The following NELL1 variants were observed in gnomAD, a reference collection of about 807,000 sequenced individuals.
The protein encoded by NELL1 is protein kinase C-binding protein NELL1.
A neutral mutation model predicts 107.4 loss-of-function variants in NELL1; 76 were observed. The ratio of observed to expected loss-of-function variants is 0.71; its 90% CI spans 0.59 to 0.86. The LOEUF (loss-of-function observed/expected upper bound fraction) is 0.86. NELL1 is among the 40% of genes least tolerant of loss of function. The pLI is 0.00. For missense variants in NELL1, 1,024 were observed against 1,005.5 expected, an observed-to-expected ratio of 1.02 and a Z score of -0.25; for synonymous variants, 353 against 341.2, an observed-to-expected ratio of 1.03 and a Z score of -0.38.
chr11:21,294,283 T>C (rs1849330510), intron 14 of NELL1, among the ~76,000 whole-genome samples: 1 of 152,078 alleles, frequency 6.6e-6, no homozygotes, highest in African/African-American at 2.4e-5. Context: ...TCTGTGCTTA[T>C]ACCATCTCAA....
chr11:21,101,725 G>A (rs1590636911), intron 12 of NELL1, among the ~76,000 whole-genome samples: 1 of 152,242 alleles, frequency 6.6e-6, no homozygotes, highest in South Asian at 2.1e-4. Flanking sequence ...GTTCATTGTA[G>A]ATTCTGGATA....
chr11:21,342,318 C>G (rs1046144797), intron 14 of NELL1, among the ~76,000 whole-genome samples: 1 of 150,688 alleles, frequency 6.6e-6, no homozygotes, highest in African/African-American at 2.4e-5. Context: ...GGTGCAATAG[C>G]ATTTACTTAT....
At chr11:20,854,993 C>T (rs1352580436) in intron 4 of NELL1, among the ~76,000 whole-genome samples, 1 of 152,308 alleles carries the variant, frequency 6.6e-6, no homozygotes, top group African/African-American at 2.4e-5. Context: ...ATTGCTAAGG[C>T]AGCCTGACCA....
At chr11:21,063,866 TG>T (rs1308259115) in intron 12 of NELL1, among the ~76,000 whole-genome samples, 1 of 152,194 alleles carries the variant, frequency 6.6e-6, no homozygotes, top group Non-Finnish European at 1.5e-5. Flanking sequence ...AAAAACTATT[TG>T]AAGTTGGTGC....
intron 12 of NELL1, among the ~76,000 whole-genome samples, chr11:21,095,923 A>G (rs547706528): frequency 2.6e-5 from 4 of 152,288 alleles, no homozygotes; most frequent in Non-Finnish European, 4.4e-5. Context: ...CACATCTTAC[A>G]TGGATGGCAG....
At chr11:21,112,792 G>A (rs1565066207) in intron 12 of NELL1, among the ~76,000 whole-genome samples, 1 of 151,986 alleles carries the variant, frequency 6.6e-6, no homozygotes, top group Non-Finnish European at 1.5e-5. Flanking sequence ...TTCTGTCTTG[G>A]ATTCCCATGA....
intron 15 of NELL1, among the ~76,000 whole-genome samples, chr11:21,371,405 T>G (rs1159969348): frequency 6.6e-6 from 1 of 152,120 alleles, no homozygotes; most frequent in Non-Finnish European, 1.5e-5. Flanking sequence ...TGAGATTTTA[T>G]TCTAATATTG....
intron 15 of NELL1, among the ~76,000 whole-genome samples, chr11:21,414,791 G>A (rs754198323): frequency 1.2e-4 from 19 of 152,004 alleles, no homozygotes; most frequent in Non-Finnish European, 1.9e-4. Flanking sequence ...TGGGTAAGGG[G>A]AACCCCCAGA....
intron 2 of NELL1, among the ~76,000 whole-genome samples, chr11:20,777,244 G>GAAT (rs993515156): frequency 5.9e-5 from 9 of 152,126 alleles, no homozygotes; most frequent in South Asian, 2.1e-4. Flanking sequence ...TGTAAAGTAG[G>GAAT]AATAATAATA....
At chr11:21,437,211 T>C (rs1853145594) in intron 15 of NELL1, among the ~76,000 whole-genome samples, 1 of 152,222 alleles carries the variant, frequency 6.6e-6, no homozygotes, top group Admixed American at 6.5e-5. Flanking sequence ...AAGTGGAATG[T>C]TGAAGTTTCT....
chr11:20,863,682 C>T (rs1265465094), intron 4 of NELL1, among the ~76,000 whole-genome samples: 1 of 151,586 alleles, frequency 6.6e-6, no homozygotes, highest in Non-Finnish European at 1.5e-5. Flanking sequence ...CAGGCAGAGA[C>T]GCTCCTCACT....
chr11:20,962,194 G>A (rs71488764), intron 12 of NELL1, among the ~76,000 whole-genome samples: 6,325 of 151,622 alleles, frequency 0.042, 206 homozygotes, highest in Middle Eastern at 0.2. Flanking sequence ...TTGTTAATTT[G>A]GGGTGATGGG....
At chr11:21,169,826 G>C (rs141837851) in intron 13 of NELL1, 8 of 1,410,080 alleles carry the variant, frequency 5.7e-6, no homozygotes, top group Non-Finnish European at 7.9e-6. Flanking sequence ...TGCTGAGCCC[G>C]ATGCAAGTGC....
chr11:21,290,371 AAAAT>A (rs1424649961), intron 14 of NELL1, among the ~76,000 whole-genome samples: 9 of 143,834 alleles, frequency 6.3e-5, no homozygotes, highest in African/African-American at 2.1e-4. Context: ...GCCATCTCAA[AAAAT>A]AAATAAATAA....
chr11:21,455,399 A>G (rs1853702549), intron 15 of NELL1, among the ~76,000 whole-genome samples: 1 of 144,442 alleles, frequency 6.9e-6, no homozygotes, highest in Non-Finnish European at 1.5e-5. Flanking sequence ...TGGCATGGTC[A>G]TGACTCACTG....
intron 12 of NELL1, among the ~76,000 whole-genome samples, chr11:21,033,090 C>T (rs1318781759): frequency 6.6e-6 from 1 of 151,970 alleles, no homozygotes; most frequent in Non-Finnish European, 1.5e-5. Context: ...TAATGTGGAC[C>T]TTGATATTCC....
chr11:20,828,319 A>G lies in NELL1; in HGVS notation c.336-19264A>G, dbSNP rs144021359. 6.6e-3 allele frequency among the ~76,000 whole-genome samples: 934 copies of G among 141,488 alleles called. 47 individuals are homozygous for G. Among genetic ancestry groups the G allele is most frequent in the Non-Finnish European group, 9.4e-3 (573 of 60,736 alleles). 92.8% of individuals were successfully genotyped at this position (141,488 alleles called of 152,430 possible). Reference sequence around the variant, plus strand: ...ATGATTTAAATGAGATATTCTGAATATCTTGTTAATCTTGCATGTTCTACT... The same window carrying G: ...ATGATTTAAATGAGATATTCTGAATGTCTTGTTAATCTTGCATGTTCTACT... On this transcript the variant is annotated intron_variant, in intron 3 of 19. Transcript: ENST00000357134.
chr11:21,377,190 A>C (rs1195710503), intron 15 of NELL1, among the ~76,000 whole-genome samples: 1 of 152,060 alleles, frequency 6.6e-6, no homozygotes, highest in African/African-American at 2.4e-5. Flanking sequence ...TTTGTCATAG[A>C]TGGCTCCTAT....
At chr11:20,787,836 A>G (rs916564948) in intron 3 of NELL1, among the ~76,000 whole-genome samples, 1 of 152,218 alleles carries the variant, frequency 6.6e-6, no homozygotes, top group East Asian at 1.9e-4. Flanking sequence ...AAGAAATCCC[A>G]TACCTTTTAG....
Sources: gnomAD v4.1 joint callset for allele counts (sites outside exome capture counted in the v4.1 genomes callset) on GRCh38, gnomAD v4.1.1 for gene constraint, MANE v1.5 for transcripts, NCBI Gene and HGNC (gene_info 2026-07-23, HGNC 2026-07-21) for gene names.